The following MIPOL1 variants were observed in gnomAD, a reference collection of about 807,000 sequenced individuals.
MIPOL1 encodes mirror-image polydactyly gene 1 protein.
In MIPOL1, 57 loss-of-function variants were observed where a neutral mutation model predicts 60.9. The ratio of observed to expected loss-of-function variants is 0.94; its 90% CI spans 0.76 to 1.17. The LOEUF is 1.17. MIPOL1 is among the 50% of genes most tolerant of loss of function. The pLI, the probability that MIPOL1 is intolerant of heterozygous loss-of-function variation, is 0.00. For missense variants in MIPOL1, 551 were observed against 511.6 expected (o/e 1.08, Z -0.74); for synonymous variants, 179 against 168.8 (o/e 1.06, Z -0.47).
chr14:37,490,840 A>G (rs570951753), intron 11 of MIPOL1, among the ~76,000 whole-genome samples: 1 of 152,280 alleles, frequency 6.6e-6, no homozygotes, highest in Non-Finnish European at 1.5e-5. Flanking sequence ...TGCAGAAATC[A>G]CCTGCCTTCT....
At chr14:37,297,040 G>A (rs1263198378) in intron 7 of MIPOL1, among the ~76,000 whole-genome samples, 2 of 152,142 alleles carry the variant, frequency 1.3e-5, no homozygotes, top group South Asian at 2.1e-4. Context: ...GATGAACATT[G>A]ATGCAAAAAT....
chr14:37,259,976 G>A (rs1472355687), intron 3 of MIPOL1, among the ~76,000 whole-genome samples: 1 of 152,024 alleles, frequency 6.6e-6, no homozygotes, highest in Non-Finnish European at 1.5e-5. Flanking sequence ...TTTCCCCTGA[G>A]AGCAGATAGA....
At chr14:37,331,840 T>C (rs1284451064) in intron 9 of MIPOL1, among the ~76,000 whole-genome samples, 2 of 152,192 alleles carry the variant, frequency 1.3e-5, no homozygotes, top group African/African-American at 2.4e-5. Flanking sequence ...GTCCTTGTCT[T>C]GTTCGAGATC....
chr14:37,256,165 C>A (rs1416017317), intron 3 of MIPOL1, among the ~76,000 whole-genome samples: 1 of 151,794 alleles, frequency 6.6e-6, no homozygotes, highest in East Asian at 1.9e-4. Flanking sequence ...ACCATTATTT[C>A]TTTCTTTAAT....
Position 37,198,075 on chromosome 14 carries a change from A to T in MIPOL1, c.-228A>T, listed in dbSNP as rs963166744. ...GAAACTCGGCAAGCGCGCAGTGTCG[A>T]CTCCCCGGTCTATGCCAGGCGCATC... On this transcript the variant is annotated 5_prime_UTR_variant, in exon 1 of 13. Transcript: ENST00000684589. 1 of 152,024 alleles carries T rather than the reference A, an allele frequency of 6.6e-6. No homozygotes were observed. The highest frequency in any genetic ancestry group is 2.4e-5 in the African/African-American group (1 of 41,344). 9.4% of individuals were successfully genotyped at this position (152,024 alleles called of 1,614,324 possible). A position where few individuals can be genotyped will look rare whatever the true frequency, so the allele number is the denominator to read the frequency against.
In MIPOL1 at chr14:37,465,262, T is replaced by C. The variant is rs554364254; in HGVS notation, c.1032-34646T>C. ...TGGTGGAACATGGTGCCTTACTCTT[T>C]CAAAGTGATACAATACTGAAATAAT... On this transcript the variant is annotated intron_variant, in intron 11 of 12. Coordinates refer to ENST00000684589, the MANE Select transcript of MIPOL1 (RefSeq NM_001388067.1). Among the ~76,000 whole-genome samples the C allele has an allele frequency of 4.6e-5, 7 of 152,300 alleles. 1 individual carries two copies. The East Asian group carries it at 1.2e-3, about 25-fold the overall frequency.
Position 37,456,938 on chromosome 14 carries a change from A to C in MIPOL1, c.1031+33989A>C, listed in dbSNP as rs530138574. ...TGTTTTTACAGTTGACTAGTTCTTGAAAATTGTAACTAATATCCTTTTTAA... is the reference window on the plus strand; with the variant it reads ...TGTTTTTACAGTTGACTAGTTCTTGCAAATTGTAACTAATATCCTTTTTAA... On this transcript the variant is annotated intron_variant, in intron 11 of 12. Transcript: ENST00000684589. Among the ~76,000 whole-genome samples the C allele has an allele frequency of 2.0e-5, 3 of 152,198 alleles. No individual in the cohort carries two copies. The South Asian group carries it at 6.2e-4, about 31-fold the overall frequency.
At chr14:37,284,390 C>G (rs2084376005) in intron 6 of MIPOL1, among the ~76,000 whole-genome samples, 1 of 152,166 alleles carries the variant, frequency 6.6e-6, no homozygotes, top group Admixed American at 6.5e-5. Flanking sequence ...GTTGCCCAGG[C>G]TGGAGTGCAG....
At chr14:37,198,345 G>A (rs1964673562) in intron 1 of MIPOL1, 2 of 152,242 alleles carry the variant, frequency 1.3e-5, no homozygotes, top group Admixed American at 1.3e-4. Context: ...ATTGTCTCCA[G>A]TTTCCTAATA....
intron 9 of MIPOL1, among the ~76,000 whole-genome samples, chr14:37,341,060 A>G (rs1273503494): frequency 2.0e-5 from 3 of 152,216 alleles, no homozygotes; most frequent in Non-Finnish European, 4.4e-5. Context: ...GCAGTAGGCT[A>G]TACCATCTAG....
At chr14:37,423,081 C>CTTT in intron 11 of MIPOL1, 132 bp downstream of exon 11, 1 of 581,724 alleles carries the variant, frequency 1.7e-6, no homozygotes, top group Admixed American at 3.3e-5. Flanking sequence ...ATTTTTATAA[C>CTTT]TAAAAAAGAT....
At chr14:37,249,060 C>T (rs1973667127) in intron 3 of MIPOL1, among the ~76,000 whole-genome samples, 1 of 151,784 alleles carries the variant, frequency 6.6e-6, no homozygotes, top group African/African-American at 2.4e-5. Flanking sequence ...GAGCAGCAGA[C>T]ATAAGGGAGG....
At chr14:37,264,454 C>T (rs1405920894) in intron 3 of MIPOL1, among the ~76,000 whole-genome samples, 1 of 149,232 alleles carries the variant, frequency 6.7e-6, no homozygotes, top group African/African-American at 2.5e-5. Flanking sequence ...GGCAAGACCC[C>T]ATCTCTGAAA....
chr14:37,260,624 A>G (rs1021651118), intron 3 of MIPOL1, among the ~76,000 whole-genome samples: 1 of 152,162 alleles, frequency 6.6e-6, no homozygotes. Context: ...AAACAATCTA[A>G]AAGTATGTTG....
At chr14:37,533,387 A>G (rs2153637278) in intron 12 of MIPOL1, among the ~76,000 whole-genome samples, 1 of 152,298 alleles carries the variant, frequency 6.6e-6, no homozygotes, top group Middle Eastern at 3.4e-3. Flanking sequence ...ATAATTGAGC[A>G]GTTTTCAAAA....
intron 1 of MIPOL1, among the ~76,000 whole-genome samples, chr14:37,199,994 A>G (rs1210395953): frequency 6.6e-6 from 1 of 152,138 alleles, no homozygotes; most frequent in Non-Finnish European, 1.5e-5. Flanking sequence ...AACATTTCAC[A>G]CTGTCTTTTT....
chr14:37,252,881 C>T (rs1008315237), intron 3 of MIPOL1, among the ~76,000 whole-genome samples: 1 of 151,732 alleles, frequency 6.6e-6, no homozygotes, highest in African/African-American at 2.4e-5. Flanking sequence ...CTTTTATAAA[C>T]TATTTTATGT....
intron 11 of MIPOL1, among the ~76,000 whole-genome samples, chr14:37,478,187 A>C (rs2094806904): frequency 6.6e-6 from 1 of 152,170 alleles, no homozygotes; most frequent in Admixed American, 6.5e-5. Flanking sequence ...AGAATACTAC[A>C]TAAAGCTAAA....
intron 10 of MIPOL1, among the ~76,000 whole-genome samples, chr14:37,395,040 T>C (rs2093344601): frequency 6.6e-6 from 1 of 152,138 alleles, no homozygotes; most frequent in South Asian, 2.1e-4. Flanking sequence ...CCCACTTTGT[T>C]TTTGTTTGCT....
Sources: gnomAD v4.1 joint callset for allele counts (sites outside exome capture counted in the v4.1 genomes callset) on GRCh38, gnomAD v4.1.1 for gene constraint, MANE v1.5 for transcripts, NCBI Gene and HGNC (gene_info 2026-07-23, HGNC 2026-07-21) for gene names.